Variants in PPARGC1A observed in about 807,000 individuals in gnomAD.
PPARGC1A encodes peroxisome proliferator-activated receptor gamma coactivator 1-alpha.
A neutral mutation model predicts 88.7 loss-of-function variants in PPARGC1A; 25 were observed. The observed-to-expected ratio is 0.28, with a 90% CI of 0.21 to 0.39. PPARGC1A has a LOEUF of 0.39. Ranked by LOEUF, PPARGC1A falls within the 10% of genes least tolerant of loss-of-function variation. PPARGC1A has a pLI of 1.00. For missense variants in PPARGC1A, 880 were observed against 968.7 expected (o/e 0.91, Z 1.22); for synonymous variants, 363 against 355.6 (o/e 1.02, Z -0.24).
the PPARGC1A span, among the ~76,000 whole-genome samples, chr4:23,954,571 C>T: frequency 6.6e-6 from 1 of 151,796 alleles, no homozygotes. Flanking sequence ...ATAATTTTAG[C>T]ATAATTCTTA....
At chr4:23,943,677 A>C in the PPARGC1A span, among the ~76,000 whole-genome samples, 1 of 152,344 alleles carries the variant, frequency 6.6e-6, no homozygotes, top group East Asian at 1.9e-4. Flanking sequence ...TATTTCTAAA[A>C]GTACCTTATG....
At chr4:24,371,064 G>A in the PPARGC1A span, among the ~76,000 whole-genome samples, 11 of 151,976 alleles carry the variant, frequency 7.2e-5, no homozygotes, top group Non-Finnish European at 1.5e-4. Flanking sequence ...GTTTGCTGAG[G>A]ATGATGGTTT....
the PPARGC1A span, among the ~76,000 whole-genome samples, chr4:23,995,847 A>C: frequency 6.6e-6 from 1 of 152,272 alleles, no homozygotes; most frequent in Non-Finnish European, 1.5e-5. Flanking sequence ...AATGAGCCAT[A>C]TTTAGTTTTA....
chr4:24,233,433 A>G, the PPARGC1A span, among the ~76,000 whole-genome samples: 2 of 152,088 alleles, frequency 1.3e-5, no homozygotes, highest in Non-Finnish European at 2.9e-5. Context: ...GAGGAAACTA[A>G]GACACCGTCC....
the PPARGC1A span, among the ~76,000 whole-genome samples, chr4:24,028,287 T>C: frequency 1.3e-5 from 2 of 152,156 alleles, no homozygotes; most frequent in Admixed American, 1.3e-4. Flanking sequence ...ACTGACAACA[T>C]TTTCTGAAAA....
chr4:24,250,131 G>T, the PPARGC1A span, among the ~76,000 whole-genome samples: 1 of 152,214 alleles, frequency 6.6e-6, no homozygotes, highest in African/African-American at 2.4e-5. Flanking sequence ...TGAGGACCAG[G>T]TGTAACATGG....
the PPARGC1A span, among the ~76,000 whole-genome samples, chr4:24,230,950 T>TTAA: frequency 6.5e-5 from 9 of 138,774 alleles, no homozygotes; most frequent in Non-Finnish European, 9.2e-5. Flanking sequence ...CAGAATTTAT[T>TTAA]AAAAAAAATA....
the PPARGC1A span, among the ~76,000 whole-genome samples, chr4:24,262,079 T>A: frequency 2.0e-5 from 3 of 152,158 alleles, no homozygotes; most frequent in South Asian, 6.2e-4. Flanking sequence ...AGGAGATGCA[T>A]GCCTAAGACC....
chr4:24,289,592 G>A, the PPARGC1A span, among the ~76,000 whole-genome samples: 1 of 152,200 alleles, frequency 6.6e-6, no homozygotes, highest in Non-Finnish European at 1.5e-5. Context: ...CCTGGGATGA[G>A]AGGTCTCTGT....
At chr4:23,991,870 G>A in the PPARGC1A span, among the ~76,000 whole-genome samples, 4 of 151,902 alleles carry the variant, frequency 2.6e-5, no homozygotes, top group East Asian at 3.9e-4. Flanking sequence ...AAAGAGGAAC[G>A]AAAAGAAAAA....
chr4:24,374,372 T>G, the PPARGC1A span, among the ~76,000 whole-genome samples: 5 of 151,700 alleles, frequency 3.3e-5, no homozygotes, highest in East Asian at 9.7e-4. Context: ...TGTGTCCTCA[T>G]AGTGGGGAAC....
chr4:24,232,111 C>T, the PPARGC1A span, among the ~76,000 whole-genome samples: 1 of 151,912 alleles, frequency 6.6e-6, no homozygotes, highest in African/African-American at 2.4e-5. Flanking sequence ...AATGAAATTA[C>T]CAGGCAGTTC....
intron 2 of PPARGC1A, among the ~76,000 whole-genome samples, chr4:23,850,371 A>G (rs955298949): frequency 6.6e-6 from 1 of 152,244 alleles, no homozygotes; most frequent in African/African-American, 2.4e-5. Context: ...GACAGTGCTC[A>G]GAGTAATATT....
At chr4:24,025,711 A>G in the PPARGC1A span, among the ~76,000 whole-genome samples, 2 of 147,962 alleles carry the variant, frequency 1.4e-5, no homozygotes, top group Admixed American at 6.7e-5. Flanking sequence ...CTCAAGTGCA[A>G]TAGATAGAGG....
At chr4:24,267,447 C>G in the PPARGC1A span, among the ~76,000 whole-genome samples, 1 of 152,152 alleles carries the variant, frequency 6.6e-6, no homozygotes, top group Non-Finnish European at 1.5e-5. Context: ...CCTTAAATGC[C>G]AAAAGGCTAA....
the PPARGC1A span, among the ~76,000 whole-genome samples, chr4:24,291,577 C>T: frequency 2.0e-5 from 3 of 152,126 alleles, no homozygotes; most frequent in African/African-American, 7.2e-5. Flanking sequence ...AGTATGGGAA[C>T]ACTGAGGCTC....
chr4:24,213,244 G>C, the PPARGC1A span, among the ~76,000 whole-genome samples: 1 of 147,280 alleles, frequency 6.8e-6, no homozygotes, highest in African/African-American at 2.5e-5. Flanking sequence ...TCGGCTCACT[G>C]CAAGTTCCGC....
the PPARGC1A span, among the ~76,000 whole-genome samples, chr4:24,213,383 G>T: frequency 6.6e-6 from 1 of 152,044 alleles, no homozygotes; most frequent in Non-Finnish European, 1.5e-5. Flanking sequence ...AGCCAGAATA[G>T]TCTCGATCTC....
At chr4:24,208,085 C>G in the PPARGC1A span, among the ~76,000 whole-genome samples, 7 of 151,930 alleles carry the variant, frequency 4.6e-5, no homozygotes, top group Non-Finnish European at 1.0e-4. Context: ...TTGAGACCAG[C>G]CTGAACAATA....
Sources: gnomAD v4.1 joint callset for allele counts (sites outside exome capture counted in the v4.1 genomes callset) on GRCh38, gnomAD v4.1.1 for gene constraint, MANE v1.5 for transcripts, NCBI Gene and HGNC (gene_info 2026-07-23, HGNC 2026-07-21) for gene names.